The following APLF variants were observed in gnomAD, a reference collection of about 807,000 sequenced individuals.
The protein encoded by APLF is aprataxin and PNKP like factor, also known as aprataxin and PNK-like factor.
A neutral mutation model predicts 55.6 loss-of-function variants in APLF; 61 were observed. The ratio of observed to expected loss-of-function variants is 1.10; its 90% confidence interval spans 0.89 to 1.36. APLF has a LOEUF of 1.36. Among genes scored for constraint, APLF ranks in the 40% most tolerant of loss-of-function variants. The pLI, the probability that APLF is intolerant of heterozygous loss-of-function variation, is 0.00. For missense variants in APLF, 611 were observed against 602.5 expected (o/e 1.01, Z -0.15); for synonymous variants, 207 against 214.8 (o/e 0.96, Z 0.32).
intron 1 of APLF, among the ~76,000 whole-genome samples, chr2:68,483,726 C>T (rs1040615831): frequency 1.3e-5 from 2 of 151,872 alleles, no homozygotes; most frequent in Admixed American, 1.3e-4. Context: ...TATATTTGTA[C>T]TATAATATCC....
intron 6 of APLF, among the ~76,000 whole-genome samples, chr2:68,532,373 C>T (rs1670282637): frequency 1.3e-5 from 2 of 152,266 alleles, no homozygotes; most frequent in African/African-American, 2.4e-5. Flanking sequence ...CACTTATGCC[C>T]AACTAGACCT....
intron 5 of APLF, among the ~76,000 whole-genome samples, chr2:68,517,214 T>G (rs1409821814): frequency 8.0e-6 from 1 of 125,626 alleles, no homozygotes; most frequent in Non-Finnish European, 1.6e-5. Flanking sequence ...TATATGTTAT[T>G]GATATATATA....
intron 1 of APLF, 103 bp downstream of exon 1, chr2:68,467,930 C>T: frequency 1.2e-6 from 1 of 865,618 alleles, no homozygotes; most frequent in Non-Finnish European, 1.5e-6. Context: ...CCGCACTGGT[C>T]CGCCGGTCCG....
intron 2 of APLF, among the ~76,000 whole-genome samples, chr2:68,502,279 T>G (rs1223172999): frequency 2.0e-5 from 3 of 152,158 alleles, no homozygotes; most frequent in Non-Finnish European, 2.9e-5. Context: ...TATTTTTTAA[T>G]TGTAATAAGA....
rs750034084 is a variant in APLF, at chr2:68,490,173, A to AT, written c.97-10dup. ...GGAGGTGGCTATTCTTAATCTTTTAATTTTTTTACTGTATAGATAACAGAC... is the reference window on the plus strand; with the variant it reads ...GGAGGTGGCTATTCTTAATCTTTTAATTTTTTTTACTGTATAGATAACAGAC... On this transcript the variant is annotated splice_polypyrimidine_tract_variant and intron_variant, in intron 1 of 9. Transcript: ENST00000303795. 13 of 1,559,958 alleles carry AT rather than the reference A, an allele frequency of 8.3e-6. No individual in the cohort carries two copies. The highest frequency in any genetic ancestry group is 1.4e-5 in the African/African-American group (1 of 72,130).
At chr2:68,543,178 A>G (rs1670606825) in intron 7 of APLF, among the ~76,000 whole-genome samples, 2 of 152,130 alleles carry the variant, frequency 1.3e-5, no homozygotes, top group African/African-American at 2.4e-5. Flanking sequence ...TCCGGGGAGG[A>G]CAGGAGGAGC....
chr2:68,518,611 T>TAATATATCATGAATATATAATAATATATC (rs1558539716), intron 5 of APLF, among the ~76,000 whole-genome samples: 4,763 of 113,156 alleles, frequency 0.042, 416 homozygotes, highest in African/African-American at 0.17. Flanking sequence ...AATATATCAT[T>TAATATATCATGAATATATAATAATATATC]AATATATCAT....
In APLF at chr2:68,574,369, T is replaced by G. The variant is rs529727448; in HGVS notation, c.1334-3451T>G. On this transcript the variant is annotated intron_variant, in intron 9 of 9. Transcript: ENST00000303795. The stretch of plus-strand genomic sequence containing the variant: ...TTCCACAGTATAATCTATTAAATAA[T>G]TGGTCCCACAAAGATAATCACATGT... Among the ~76,000 whole-genome samples, 39 of 152,320 alleles carry G rather than the reference T, an allele frequency of 2.6e-4. 1 individual carries two copies. The South Asian group carries it at 7.2e-3, about 28-fold the overall frequency.
intron 3 of APLF, among the ~76,000 whole-genome samples, chr2:68,508,057 C>T (rs1426804225): frequency 6.6e-5 from 10 of 151,512 alleles, no homozygotes; most frequent in Admixed American, 6.6e-4. Context: ...AGATCCAGCT[C>T]ATTCATAATA....
chr2:68,552,847 A>G (rs985009016), intron 8 of APLF, among the ~76,000 whole-genome samples: 1 of 151,996 alleles, frequency 6.6e-6, no homozygotes, highest in African/African-American at 2.4e-5. Flanking sequence ...ATGTATACGT[A>G]TAGATATGGT....
chr2:68,546,945 G>A (rs1215243861), intron 8 of APLF, among the ~76,000 whole-genome samples: 1 of 151,768 alleles, frequency 6.6e-6, no homozygotes, highest in African/African-American at 2.4e-5. Context: ...TGCAAAGGAA[G>A]AAATAAAACT....
intron 6 of APLF, among the ~76,000 whole-genome samples, chr2:68,533,872 G>A (rs1670323072): frequency 6.6e-6 from 1 of 152,220 alleles, no homozygotes; most frequent in South Asian, 2.1e-4. Context: ...GAAGACAGCA[G>A]TGTGACCAGT....
At chr2:68,552,888 C>T (rs1366176830) in intron 8 of APLF, among the ~76,000 whole-genome samples, 1 of 151,990 alleles carries the variant, frequency 6.6e-6, no homozygotes, top group African/African-American at 2.4e-5. Flanking sequence ...TGCTTTGTGT[C>T]CTGATTCTGG....
intron 8 of APLF, among the ~76,000 whole-genome samples, chr2:68,555,778 A>G (rs143416246): frequency 1.4e-4 from 21 of 152,326 alleles, no homozygotes; most frequent in African/African-American, 5.1e-4. Flanking sequence ...TACAACCACT[A>G]TGGAAAACAG....
chr2:68,569,285 A>T (rs1212072171), intron 9 of APLF, among the ~76,000 whole-genome samples: 3 of 152,068 alleles, frequency 2.0e-5, no homozygotes, highest in Admixed American at 2.0e-4. Context: ...AAAGGGAGGG[A>T]GTACTTTCTG....
chr2:68,493,273 A>G (rs955318347), intron 2 of APLF, among the ~76,000 whole-genome samples: 4 of 152,166 alleles, frequency 2.6e-5, no homozygotes, highest in South Asian at 2.1e-4. Context: ...ATTGCGTATC[A>G]GTGGGGAAGA....
At chr2:68,566,379 G>T (rs1671310613) in intron 8 of APLF, among the ~76,000 whole-genome samples, 1 of 151,888 alleles carries the variant, frequency 6.6e-6, no homozygotes. Context: ...TGTCTACCTT[G>T]CTCCTGCCCC....
chr2:68,517,562 A>T (rs892498381), intron 5 of APLF, among the ~76,000 whole-genome samples: 10 of 143,346 alleles, frequency 7.0e-5, no homozygotes, highest in African/African-American at 2.5e-4. Flanking sequence ...TGTTAATAAC[A>T]TATAACAATA....
At chr2:68,555,729 A>G (rs1316299203) in intron 8 of APLF, among the ~76,000 whole-genome samples, 1 of 152,192 alleles carries the variant, frequency 6.6e-6, no homozygotes, top group Non-Finnish European at 1.5e-5. Flanking sequence ...TGTGGTGAAC[A>G]GGGAACACTT....
Sources: gnomAD v4.1 joint callset for allele counts (sites outside exome capture counted in the v4.1 genomes callset) on GRCh38, gnomAD v4.1.1 for gene constraint, MANE v1.5 for transcripts, NCBI Gene and HGNC (gene_info 2026-07-23, HGNC 2026-07-21) for gene names.